ARHGAP25: variants seen among roughly 807,000 people sequenced by gnomAD.
ARHGAP25 encodes the protein Rho GTPase activating protein 25.
ARHGAP25 carries 34 observed loss-of-function variants against 71.0 expected under a neutral mutation model. The observed-to-expected ratio is 0.48, with a 90% CI of 0.36 to 0.64. The LOEUF is 0.64. ARHGAP25 is among the 30% of genes least tolerant of loss of function. The pLI, the probability that ARHGAP25 is intolerant of heterozygous loss-of-function variation, is 0.00. For synonymous variants in ARHGAP25, 282 were observed against 296.5 expected (o/e 0.95, Z 0.50); for missense variants, 706 against 805.1 (o/e 0.88, Z 1.49).
chr2:68,819,635 A>G (rs1681492785), intron 9 of ARHGAP25: 1 of 572,628 alleles, frequency 1.7e-6, no homozygotes, highest in South Asian at 2.3e-5. Flanking sequence ...GGAAAAATGT[A>G]TACAACATTG....
In ARHGAP25 at chr2:68,775,326, A is replaced by G; in HGVS notation, c.167A>G (p.Gln56Arg). Residue 56 changes from glutamine to arginine, a missense_variant, in exon 2 of 11, where the codon CAG (glutamine) becomes CGG (arginine). Transcript: ENST00000409202. ...ATCAAGATGGGCTGGCTGAAGAAGC[A>G]GAGGTCCATCGTGAAGAACTGGCAG... ...RPIKMGWLKK[Q>R]RSIVKNWQQR... 1 of 1,614,254 alleles carries G rather than the reference A, an allele frequency of 6.2e-7. No individual in the cohort carries two copies. Among genetic ancestry groups the G allele is most frequent in the East Asian group, 2.2e-5 (1 of 44,880 alleles).
intron 2 of ARHGAP25, among the ~76,000 whole-genome samples, chr2:68,711,583 A>G (rs1454267570): frequency 6.6e-6 from 1 of 152,074 alleles, no homozygotes; most frequent in East Asian, 1.9e-4. Flanking sequence ...GGTTTGTTAC[A>G]TAGGTATACA....
rs1438084102 is a variant in ARHGAP25, at chr2:68,813,367, A to G, written c.755A>G (p.Gln252Arg). ...DLPEPVVPWS[Q>R]YEGFLLCGQL... Reference sequence around the variant, plus strand: ...CCAGAGCCCGTGGTTCCCTGGAGCCAGTACGAAGGGTTCCTGCTCTGTGGG... The same window carrying G: ...CCAGAGCCCGTGGTTCCCTGGAGCCGGTACGAAGGGTTCCTGCTCTGTGGG... The change falls in exon 6 of 11, where the codon CAG (glutamine) becomes CGG (arginine). Residue 252 changes from glutamine (Q) to arginine (R), a missense_variant. Transcript: ENST00000409202. 1.2e-6 allele frequency: 2 copies of G among 1,613,216 alleles called. No homozygotes were observed. Among genetic ancestry groups the G allele is most frequent in the Non-Finnish European group, 1.7e-6 (2 of 1,179,890 alleles).
chr2:68,748,305 A>G (rs1675956849), intron 1 of ARHGAP25, among the ~76,000 whole-genome samples: 1 of 152,172 alleles, frequency 6.6e-6, no homozygotes, highest in African/African-American at 2.4e-5. Context: ...TTCAAATATT[A>G]TCTCTTCAAA....
At chr2:68,712,940 C>T (rs939225483) in intron 2 of ARHGAP25, among the ~76,000 whole-genome samples, 1 of 152,086 alleles carries the variant, frequency 6.6e-6, no homozygotes, top group Non-Finnish European at 1.5e-5. Flanking sequence ...AGTCAGGTAG[C>T]GTGATGCCTC....
intron 4 of ARHGAP25, among the ~76,000 whole-genome samples, chr2:68,801,139 T>C (rs1033731379): frequency 6.6e-6 from 1 of 152,166 alleles, no homozygotes. Context: ...TTTTCTCTCA[T>C]GTAAGAAGTG....
intron 3 of ARHGAP25, among the ~76,000 whole-genome samples, chr2:68,786,212 C>T (rs1678752463): frequency 6.6e-6 from 1 of 152,092 alleles, no homozygotes; most frequent in African/African-American, 2.4e-5. Flanking sequence ...CATGACAGAA[C>T]AAAAAGACCT....
intron 1 of ARHGAP25, among the ~76,000 whole-genome samples, chr2:68,748,072 C>G (rs759587908): frequency 6.6e-6 from 1 of 152,172 alleles, no homozygotes; most frequent in Non-Finnish European, 1.5e-5. Flanking sequence ...TAAATTCAAA[C>G]TCATGATCTA....
At chr2:68,781,376 C>T (rs1443147253) in intron 2 of ARHGAP25, among the ~76,000 whole-genome samples, 6 of 151,274 alleles carry the variant, frequency 4.0e-5, no homozygotes, top group Non-Finnish European at 8.8e-5. Context: ...GGCAACAGAG[C>T]GAGACTCCGT....
intron 4 of ARHGAP25, among the ~76,000 whole-genome samples, chr2:68,795,376 T>C (rs1184397852): frequency 6.6e-6 from 1 of 152,174 alleles, no homozygotes; most frequent in Non-Finnish European, 1.5e-5. Flanking sequence ...TAATTTGTAC[T>C]CTTTCTACTT....
Position 68,775,407 on chromosome 2 carries a change from A to T in ARHGAP25, c.248A>T (p.Asp83Val). Reference protein sequence around the residue: ...QQLYYYKDEEDTKPQGCMYLP... With the variant: ...QQLYYYKDEEVTKPQGCMYLP... ...CTCTACTACTACAAGGATGAAGAGG[A>T]CACGAAGCCCCAGGTACCAGCCAGG... Residue 83 changes from aspartate to valine, a missense_variant, in exon 2 of 11, where the codon GAC becomes GTC. Asp to Val is a radical substitution (Grantham distance 152). Coordinates refer to ENST00000409202, the MANE Select transcript of ARHGAP25 (RefSeq NM_001007231.3). The T allele has an allele frequency of 6.2e-7, 1 of 1,614,252 alleles. No individual in the cohort carries two copies. Among genetic ancestry groups the T allele is most frequent in the Non-Finnish European group, 8.5e-7 (1 of 1,180,048 alleles).
intron 2 of ARHGAP25, among the ~76,000 whole-genome samples, chr2:68,725,581 C>G (rs1459073849): frequency 6.6e-6 from 1 of 152,134 alleles, no homozygotes; most frequent in African/African-American, 2.4e-5. Context: ...TCCTCCTCAG[C>G]CTCCCAAAGT....
At chr2:68,721,886 T>C (rs1674771200) in intron 2 of ARHGAP25, among the ~76,000 whole-genome samples, 1 of 152,222 alleles carries the variant, frequency 6.6e-6, no homozygotes, top group Non-Finnish European at 1.5e-5. Flanking sequence ...CTTTCCTACC[T>C]ACTCCTTCCC....
chr2:68,806,561 C>T (rs1680379048), intron 4 of ARHGAP25, among the ~76,000 whole-genome samples: 1 of 152,190 alleles, frequency 6.6e-6, no homozygotes, highest in South Asian at 2.1e-4. Context: ...TACTACGCGA[C>T]TCCTGGGCAA....
intron 2 of ARHGAP25, among the ~76,000 whole-genome samples, chr2:68,713,897 T>C (rs1174952334): frequency 2.6e-5 from 4 of 152,334 alleles, no homozygotes; most frequent in East Asian, 1.9e-4. Flanking sequence ...TACTATTTTA[T>C]TGAGGATTTT....
intron 1 of ARHGAP25, among the ~76,000 whole-genome samples, chr2:68,750,823 C>G (rs181891974): frequency 3.6e-4 from 55 of 152,342 alleles, no homozygotes; most frequent in African/African-American, 1.3e-3. Flanking sequence ...ATCCTGCTCA[C>G]ACAGGGAATT....
intron 2 of ARHGAP25, among the ~76,000 whole-genome samples, chr2:68,718,743 T>G (rs997536187): frequency 2.6e-5 from 4 of 152,136 alleles, no homozygotes; most frequent in African/African-American, 4.8e-5. Flanking sequence ...TGAGTCCAGT[T>G]CCTGACACAG....
At chr2:68,772,674 T>G (rs556850433) in intron 1 of ARHGAP25, among the ~76,000 whole-genome samples, 1 of 152,342 alleles carries the variant, frequency 6.6e-6, no homozygotes, top group African/African-American at 2.4e-5. Context: ...GTCCTTCAAA[T>G]TCCCTCCTCC....
At chr2:68,770,162 G>A (rs567968290) in intron 1 of ARHGAP25, among the ~76,000 whole-genome samples, 2 of 152,276 alleles carry the variant, frequency 1.3e-5, no homozygotes, top group East Asian at 3.9e-4. Flanking sequence ...GTCAGTGTTA[G>A]CCAGAGGAAT....
Sources: gnomAD v4.1 joint callset for allele counts (sites outside exome capture counted in the v4.1 genomes callset) on GRCh38, gnomAD v4.1.1 for gene constraint, MANE v1.5 for transcripts, NCBI Gene and HGNC (gene_info 2026-07-23, HGNC 2026-07-21) for gene names.